Variants in CNTN3 observed in about 807,000 individuals in gnomAD.
CNTN3 encodes the protein contactin 3, also known as contactin-3.
CNTN3 carries 60 observed loss-of-function variants against 119.1 expected under a neutral mutation model. That is an observed-to-expected ratio of 0.50 (90% CI 0.41 to 0.62). CNTN3 has a LOEUF of 0.62. Ranked by LOEUF, CNTN3 falls within the 20% of genes least tolerant of loss-of-function variation. The pLI is 0.00. For missense variants in CNTN3, 1,101 were observed against 1,242.4 expected, an observed-to-expected ratio of 0.89 and a Z score of 1.71; for synonymous variants, 450 against 438.7, an observed-to-expected ratio of 1.03 and a Z score of -0.32.
At chr3:74,408,553 T>A (rs1026408091) in intron 5 of CNTN3, among the ~76,000 whole-genome samples, 6 of 152,164 alleles carry the variant, frequency 3.9e-5, no homozygotes, top group Admixed American at 1.3e-4. Flanking sequence ...GCTTTTTGGA[T>A]CCTTGTCAAT....
intron 1 of CNTN3, among the ~76,000 whole-genome samples, chr3:74,579,068 T>C (rs1704461574): frequency 6.6e-6 from 1 of 151,254 alleles, no homozygotes. Flanking sequence ...GTTGAAAAAA[T>C]TTCCATGTAA....
intron 13 of CNTN3, among the ~76,000 whole-genome samples, chr3:74,333,152 G>A (rs1056038867): frequency 1.3e-5 from 2 of 152,152 alleles, no homozygotes; most frequent in Non-Finnish European, 1.5e-5. Flanking sequence ...ATTCCAAAAC[G>A]GAATAAATGA....
chr3:74,409,969 C>T (rs1401767045), intron 5 of CNTN3, among the ~76,000 whole-genome samples: 1 of 152,154 alleles, frequency 6.6e-6, no homozygotes, highest in African/African-American at 2.4e-5. Context: ...ACATACTTCA[C>T]CAAGGATCAG....
chr3:74,600,126 A>C (rs1456942744), intron 1 of CNTN3, among the ~76,000 whole-genome samples: 1 of 152,132 alleles, frequency 6.6e-6, no homozygotes, highest in Non-Finnish European at 1.5e-5. Flanking sequence ...TGGGATAAGA[A>C]GAGTGGGACA....
intron 13 of CNTN3, among the ~76,000 whole-genome samples, chr3:74,308,350 T>C (rs1449590368): frequency 6.6e-6 from 1 of 152,226 alleles, no homozygotes; most frequent in Non-Finnish European, 1.5e-5. Context: ...GAACAGGTGA[T>C]ATTTAAGACA....
intron 2 of CNTN3, among the ~76,000 whole-genome samples, chr3:74,502,153 C>A (rs992505976): frequency 6.6e-6 from 1 of 151,870 alleles, no homozygotes; most frequent in Non-Finnish European, 1.5e-5. Flanking sequence ...CTGACAAATT[C>A]TGATGTTTGT....
At position 74,569,520 on chromosome 3, in the gene CNTN3, A is replaced by C. The variant is rs1163699560; in HGVS notation, c.-81+44871T>G. ...ACGTTTCTCTTGGGAGAGAAAGCTCACTCTCAACTCAGCACTTCAGTGAGT... is the reference window on the plus strand; with the variant it reads ...ACGTTTCTCTTGGGAGAGAAAGCTCCCTCTCAACTCAGCACTTCAGTGAGT... On this transcript the variant is annotated intron_variant, in intron 1 of 22. Transcript: ENST00000263665. 3.9e-5 allele frequency among the ~76,000 whole-genome samples: 6 copies of C among 152,150 alleles called. No individual in the cohort carries two copies. The East Asian group carries it at 9.6e-4, about 24-fold the overall frequency.
At chr3:74,489,899 C>T (rs989036217) in intron 3 of CNTN3, among the ~76,000 whole-genome samples, 2 of 152,166 alleles carry the variant, frequency 1.3e-5, no homozygotes, top group African/African-American at 2.4e-5. Flanking sequence ...ACAGGGAAGG[C>T]ATTCAACAAA....
intron 4 of CNTN3, among the ~76,000 whole-genome samples, chr3:74,485,510 T>C (rs149398392): frequency 1.3e-5 from 2 of 152,072 alleles, no homozygotes; most frequent in East Asian, 1.9e-4. Context: ...CCCTTGCCAT[T>C]GTTAAAATAG....
chr3:74,390,544 C>T (rs1704873518), intron 5 of CNTN3, among the ~76,000 whole-genome samples: 1 of 151,994 alleles, frequency 6.6e-6, no homozygotes, highest in African/African-American at 2.4e-5. Context: ...CTACAATACA[C>T]TCTGAGAGGT....
chr3:74,338,121 G>A (rs1703439476), intron 11 of CNTN3, among the ~76,000 whole-genome samples: 1 of 152,022 alleles, frequency 6.6e-6, no homozygotes, highest in African/African-American at 2.4e-5. Flanking sequence ...GAGTGAAAAT[G>A]GATGGTAAAC....
At chr3:74,274,229 T>C (rs981087552) in intron 20 of CNTN3, among the ~76,000 whole-genome samples, 3 of 152,048 alleles carry the variant, frequency 2.0e-5, no homozygotes, top group African/African-American at 4.8e-5. Context: ...CCCTGGTAGC[T>C]GAACACAAAA....
At chr3:74,336,809 A>G (rs1703406325) in intron 11 of CNTN3, 151 bp from the exon 12 acceptor site, 2 of 555,604 alleles carry the variant, frequency 3.6e-6, no homozygotes, top group Non-Finnish European at 6.0e-6. Context: ...CAAAAAAAAA[A>G]AAAGAAAATT....
intron 4 of CNTN3, 82 bp from the exon 5 acceptor site, chr3:74,425,022 A>G (rs1483373856): frequency 1.2e-6 from 1 of 864,928 alleles, no homozygotes; most frequent in East Asian, 2.7e-5. Context: ...CCTTTCTTTT[A>G]GAAAACAATT....
intron 4 of CNTN3, among the ~76,000 whole-genome samples, chr3:74,455,471 T>C (rs1193983512): frequency 6.6e-6 from 1 of 151,916 alleles, no homozygotes; most frequent in African/African-American, 2.4e-5. Context: ...GCTCGTAGTT[T>C]GATCGTCTGA....
intron 1 of CNTN3, among the ~76,000 whole-genome samples, chr3:74,568,126 T>C (rs6798104): frequency 0.81 from 123,333 of 151,790 alleles, 50,205 homozygotes; most frequent in African/African-American, 0.86. Flanking sequence ...GTGGGTCCAA[T>C]TCTCACGCCT....
intron 13 of CNTN3, among the ~76,000 whole-genome samples, chr3:74,316,187 A>T (rs1224392796): frequency 6.6e-6 from 1 of 152,240 alleles, no homozygotes; most frequent in Non-Finnish European, 1.5e-5. Flanking sequence ...ACATGAACAG[A>T]CACTTTTCAA....
chr3:74,449,972 T>C (rs115889882), intron 4 of CNTN3, among the ~76,000 whole-genome samples: 1,769 of 152,266 alleles, frequency 0.012, 32 homozygotes, highest in African/African-American at 0.039. Context: ...TTTATAATAA[T>C]TTGTTATGAT....
chr3:74,263,724 A>G lies in CNTN3; in HGVS notation c.*677T>C, dbSNP rs1428214708. On this transcript the variant is annotated 3_prime_UTR_variant, in exon 23 of 23. Coordinates refer to ENST00000263665, the MANE Select transcript of CNTN3 (RefSeq NM_020872.3). Reference sequence around the variant, plus strand: ...TTCATACTTCAGTCTTTATCTTTTAAAAACTAATTCATGGGGCAAAGTCTG... The same window carrying G: ...TTCATACTTCAGTCTTTATCTTTTAGAAACTAATTCATGGGGCAAAGTCTG... The G allele has an allele frequency of 2.0e-5, 3 of 152,054 alleles. No individual in the cohort carries two copies. Among genetic ancestry groups the G allele is most frequent in the Non-Finnish European group, 4.4e-5 (3 of 67,988 alleles). The allele number at this position is 152,054 out of a possible 1,614,324, so 9.4% of individuals were successfully genotyped here. A position where few individuals can be genotyped will look rare whatever the true frequency, so the allele number is the denominator to read the frequency against.
Sources: gnomAD v4.1 joint callset for allele counts (sites outside exome capture counted in the v4.1 genomes callset) on GRCh38, gnomAD v4.1.1 for gene constraint, MANE v1.5 for transcripts, NCBI Gene and HGNC (gene_info 2026-07-23, HGNC 2026-07-21) for gene names.